Variants in NKAIN2 observed in about 807,000 individuals in gnomAD.
NKAIN2 encodes the protein sodium/potassium transporting ATPase interacting 2, also known as sodium/potassium-transporting ATPase subunit beta-1-interacting protein 2.
Under a neutral mutation model 32.6 loss-of-function variants are expected in NKAIN2, and 14 were observed. The observed-to-expected ratio is 0.43, with a 90% confidence interval of 0.28 to 0.67. The LOEUF (loss-of-function observed/expected upper bound fraction) is 0.67. NKAIN2 is among the 30% of genes least tolerant of loss of function. The probability of loss-of-function intolerance (pLI) is 0.17; values close to 1 mark genes in which losing one functional copy is unlikely to be tolerated. For missense variants in NKAIN2, 198 were observed against 258.3 expected, an observed-to-expected ratio of 0.77 and a Z score of 1.60; for synonymous variants, 80 against 87.2, an observed-to-expected ratio of 0.92 and a Z score of 0.46.
chr6:124,763,659 T>C (rs979642212), intron 4 of NKAIN2, among the ~76,000 whole-genome samples: 1 of 152,174 alleles, frequency 6.6e-6, no homozygotes, highest in African/African-American at 2.4e-5. Flanking sequence ...GGTTGTTTAC[T>C]TGACAACTGC....
chr6:123,901,525 A>G (rs1774585498), intron 1 of NKAIN2, among the ~76,000 whole-genome samples: 1 of 152,156 alleles, frequency 6.6e-6, no homozygotes, highest in Non-Finnish European at 1.5e-5. Context: ...ATGGAATGAT[A>G]TTATTATTCT....
At chr6:124,275,601 A>T (rs945282727) in intron 1 of NKAIN2, among the ~76,000 whole-genome samples, 1 of 152,162 alleles carries the variant, frequency 6.6e-6, no homozygotes, top group African/African-American at 2.4e-5. Flanking sequence ...ACCACAACAG[A>T]TTTAATATAT....
At chr6:123,949,985 T>A (rs1409886555) in intron 1 of NKAIN2, among the ~76,000 whole-genome samples, 1 of 152,052 alleles carries the variant, frequency 6.6e-6, no homozygotes, top group African/African-American at 2.4e-5. Context: ...GCCTAGTTTG[T>A]AGAGAGTTTT....
At chr6:124,526,796 AT>A (rs1180577353) in intron 3 of NKAIN2, among the ~76,000 whole-genome samples, 2 of 151,926 alleles carry the variant, frequency 1.3e-5, no homozygotes, top group East Asian at 1.9e-4. Context: ...AGCTAGTGTT[AT>A]TTTTTTTACA....
At chr6:124,511,461 T>G (rs1262212706) in intron 3 of NKAIN2, among the ~76,000 whole-genome samples, 1 of 152,122 alleles carries the variant, frequency 6.6e-6, no homozygotes, top group East Asian at 1.9e-4. Context: ...ACAAGGCAAT[T>G]AAAAATAGAA....
At chr6:124,813,037 CGTT>C (rs1780974993) in intron 5 of NKAIN2, among the ~76,000 whole-genome samples, 2 of 151,978 alleles carry the variant, frequency 1.3e-5, no homozygotes, top group East Asian at 1.9e-4. Context: ...AAAAAAACAT[CGTT>C]GTTATCAGTC....
At chr6:124,651,816 T>A (rs1373063560) in intron 3 of NKAIN2, among the ~76,000 whole-genome samples, 2 of 152,170 alleles carry the variant, frequency 1.3e-5, no homozygotes, top group Non-Finnish European at 2.9e-5. Context: ...AGAAATGCCT[T>A]CAGAATCATT....
chr6:124,807,385 G>A (rs1299924455), intron 5 of NKAIN2, among the ~76,000 whole-genome samples: 16 of 150,418 alleles, frequency 1.1e-4, no homozygotes, highest in Admixed American at 6.6e-5. Flanking sequence ...GCTCCTGAAT[G>A]ACTACTGGGT....
intron 1 of NKAIN2, among the ~76,000 whole-genome samples, chr6:123,821,348 C>T (rs960576109): frequency 1.3e-5 from 2 of 152,184 alleles, no homozygotes; most frequent in Non-Finnish European, 2.9e-5. Flanking sequence ...CAGCTGGTGT[C>T]AGGCCAGGTG....
chr6:124,518,626 C>T (rs1779012261), intron 3 of NKAIN2, among the ~76,000 whole-genome samples: 1 of 152,116 alleles, frequency 6.6e-6, no homozygotes, highest in Admixed American at 6.6e-5. Context: ...TAGGTCTACC[C>T]CCATGACTCA....
chr6:124,720,707 G>C (rs566600987), intron 4 of NKAIN2, among the ~76,000 whole-genome samples: 6 of 152,234 alleles, frequency 3.9e-5, no homozygotes, highest in African/African-American at 1.4e-4. Flanking sequence ...AACCTGCATC[G>C]TGGGACTGGG....
At chr6:123,900,633 G>A (rs1353681105) in intron 1 of NKAIN2, among the ~76,000 whole-genome samples, 3 of 125,042 alleles carry the variant, frequency 2.4e-5, no homozygotes, top group Admixed American at 1.1e-4. Flanking sequence ...TTAACCCCCC[G>A]AGCTGGCGTC....
At chr6:124,190,064 A>G (rs1789939553) in intron 1 of NKAIN2, among the ~76,000 whole-genome samples, 1 of 152,230 alleles carries the variant, frequency 6.6e-6, no homozygotes, top group South Asian at 2.1e-4. Context: ...CATGGCCACA[A>G]ACATATGAAA....
intron 3 of NKAIN2, among the ~76,000 whole-genome samples, chr6:124,444,708 T>C (rs1030399420): frequency 2.6e-5 from 4 of 152,034 alleles, no homozygotes; most frequent in Non-Finnish European, 5.9e-5. Flanking sequence ...TATAAGAACA[T>C]GAATTTCTAT....
intron 3 of NKAIN2, among the ~76,000 whole-genome samples, chr6:124,585,747 A>T (rs1399304980): frequency 2.0e-5 from 3 of 152,210 alleles, no homozygotes; most frequent in Non-Finnish European, 4.4e-5. Context: ...CACACTTATT[A>T]AATTTTTTGT....
chr6:124,493,981 G>A (rs1777971395), intron 3 of NKAIN2, among the ~76,000 whole-genome samples: 1 of 151,952 alleles, frequency 6.6e-6, no homozygotes, highest in Non-Finnish European at 1.5e-5. Flanking sequence ...TCCCCTGAGA[G>A]CACTTTCTCA....
At chr6:124,490,008 T>C (rs142700754) in intron 3 of NKAIN2, among the ~76,000 whole-genome samples, 62 of 151,962 alleles carry the variant, frequency 4.1e-4, no homozygotes, top group Admixed American at 2.2e-3. Flanking sequence ...CAGGCATTTC[T>C]AGAAAGATAA....
At chr6:124,448,915 T>C (rs1235293584) in intron 3 of NKAIN2, among the ~76,000 whole-genome samples, 1 of 152,160 alleles carries the variant, frequency 6.6e-6, no homozygotes, top group African/African-American at 2.4e-5. Flanking sequence ...ATGCCTAAAC[T>C]CATGCCTGGT....
intron 1 of NKAIN2, among the ~76,000 whole-genome samples, chr6:123,956,086 G>A (rs1379098046): frequency 4.6e-5 from 7 of 151,978 alleles, no homozygotes; most frequent in Admixed American, 2.0e-4. Flanking sequence ...ATATTTAAAA[G>A]CAGTATTTCA....
Sources: gnomAD v4.1 joint callset for allele counts (sites outside exome capture counted in the v4.1 genomes callset) on GRCh38, gnomAD v4.1.1 for gene constraint, MANE v1.5 for transcripts, NCBI Gene and HGNC (gene_info 2026-07-23, HGNC 2026-07-21) for gene names.